Variants in RAB11B observed in about 807,000 individuals in gnomAD.
RAB11B encodes the protein ras-related protein Rab-11B.
RAB11B carries 7 observed loss-of-function variants against 23.7 expected under a neutral mutation model. That is an observed-to-expected ratio of 0.29 (90% CI 0.17 to 0.55). The LOEUF (loss-of-function observed/expected upper bound fraction) is 0.55. Ranked by LOEUF, RAB11B falls within the 20% of genes least tolerant of loss-of-function variation. The probability of loss-of-function intolerance (pLI) is 0.93; values close to 1 mark genes in which losing one functional copy is unlikely to be tolerated. For missense variants in RAB11B, 189 were observed against 320.0 expected (o/e 0.59, Z 3.12); for synonymous variants, 138 against 132.0 (o/e 1.05, Z -0.31).
At chr19:8,395,457 C>A (rs769071478) in intron 1 of RAB11B, among the ~76,000 whole-genome samples, 1 of 152,044 alleles carries the variant, frequency 6.6e-6, no homozygotes, top group Non-Finnish European at 1.5e-5. Flanking sequence ...CCATGTTAGT[C>A]AGGTTGGTCT....
chr19:8,402,289 C>T lies in RAB11B; in HGVS notation c.430+10C>T, dbSNP rs369849901. The T allele has an allele frequency of 1.3e-4, 194 of 1,549,124 alleles. No homozygotes were observed. Among genetic ancestry groups the T allele is most frequent in the African/African-American group, 8.9e-4 (65 of 73,254 alleles). On this transcript the variant is annotated intron_variant, in intron 3 of 4. Coordinates refer to ENST00000328024, the MANE Select transcript of RAB11B (RefSeq NM_004218.4). ...GCCCGCGCCTTCGCAGGTGAGCAGA[C>T]GGAGACGCAGGCATCAGAGAGGTGT... is the stretch of plus-strand genomic sequence containing the variant.
At chr19:8,391,465 A>G (rs2145505161) in intron 1 of RAB11B, among the ~76,000 whole-genome samples, 1 of 152,288 alleles carries the variant, frequency 6.6e-6, no homozygotes, top group East Asian at 1.9e-4. Context: ...AGCATCACAT[A>G]AGGCCTAGGT....
intron 1 of RAB11B, among the ~76,000 whole-genome samples, chr19:8,397,736 C>T (rs1050718378): frequency 4.6e-5 from 7 of 152,176 alleles, no homozygotes; most frequent in Admixed American, 3.9e-4. Flanking sequence ...GGCTCCAGGG[C>T]CTGCTCCCTC....
intron 1 of RAB11B, among the ~76,000 whole-genome samples, chr19:8,390,887 C>T (rs1193309836): frequency 6.8e-6 from 1 of 145,998 alleles, no homozygotes; most frequent in African/African-American, 2.5e-5. Flanking sequence ...TGGGCCTGGG[C>T]AAACGGAGGC....
chr19:8,401,728 C>T (rs1199981881), intron 2 of RAB11B, among the ~76,000 whole-genome samples: 1 of 151,664 alleles, frequency 6.6e-6, no homozygotes, highest in Non-Finnish European at 1.5e-5. Context: ...CGCCATGTTG[C>T]CCAGGCTGGT....
Position 8,402,194 on chromosome 19 carries a change from C to T in RAB11B, c.345C>T (p.Ser115=). The T allele has an allele frequency of 6.3e-7, 1 of 1,591,928 alleles. No individual in the cohort carries two copies. The highest frequency in any genetic ancestry group is 8.6e-7 in the Non-Finnish European group (1 of 1,169,326). Residue 115 remains serine (S), a synonymous_variant, in exon 3 of 5, where the codon AGC becomes AGT. Transcript: ENST00000328024. Reference sequence around the variant, plus strand: ...AGGAGCTGCGGGACCACGCAGACAGCAACATCGTCATCATGCTGGTGGGCA... The same window carrying T: ...AGGAGCTGCGGGACCACGCAGACAGTAACATCGTCATCATGCTGGTGGGCA... ...WLKELRDHAD[S]NIVIMLVGNK...
At chr19:8,400,776 G>C (rs1031956971) in intron 2 of RAB11B, among the ~76,000 whole-genome samples, 28 of 151,960 alleles carry the variant, frequency 1.8e-4, no homozygotes, top group Middle Eastern at 3.4e-3. Flanking sequence ...AGTAGAGATG[G>C]GGTTTCTCCA....
At chr19:8,400,183 G>A in intron 2 of RAB11B, 125 bp downstream of exon 2, 1 of 1,210,874 alleles carries the variant, frequency 8.3e-7, no homozygotes, top group Non-Finnish European at 1.2e-6. Flanking sequence ...AGACCAGGGA[G>A]TGAGGCTGGA....
At chr19:8,398,779 G>A (rs930495719) in intron 1 of RAB11B, among the ~76,000 whole-genome samples, 4 of 151,998 alleles carry the variant, frequency 2.6e-5, no homozygotes, top group African/African-American at 9.7e-5. Context: ...CCCTTCCTGT[G>A]CGATGCCTGC....
intron 4 of RAB11B, 160 bp downstream of exon 4, chr19:8,402,725 C>T (rs568761707): frequency 4.0e-5 from 25 of 623,866 alleles, no homozygotes; most frequent in African/African-American, 2.0e-4. Context: ...TGTGGTGGCT[C>T]GATCTCAGCT....
intron 2 of RAB11B, chr19:8,400,385 T>G: frequency 2.6e-6 from 1 of 377,574 alleles, no homozygotes; most frequent in Non-Finnish European, 5.0e-6. Context: ...TGCCCACACC[T>G]GGTCCCACAC....
At chr19:8,395,657 A>C (rs1359924644) in intron 1 of RAB11B, among the ~76,000 whole-genome samples, 2 of 152,148 alleles carry the variant, frequency 1.3e-5, no homozygotes, top group Admixed American at 6.5e-5. Flanking sequence ...CTTTCACGCC[A>C]GGCCAAGCAG....
At chr19:8,402,667 T>TTTTG in intron 4 of RAB11B, 102 bp downstream of exon 4, 1 of 986,334 alleles carries the variant, frequency 1.0e-6, no homozygotes, top group African/African-American at 1.6e-5. Context: ...GTTTTTTTCT[T>TTTTG]TTTTTTGTCG....
intron 1 of RAB11B, among the ~76,000 whole-genome samples, chr19:8,392,049 G>T (rs917637898): frequency 6.6e-6 from 1 of 151,940 alleles, no homozygotes; most frequent in Non-Finnish European, 1.5e-5. Context: ...ATTCTAAGGG[G>T]CCGTCTGGAG....
Position 8,399,856 on chromosome 19 carries a change from C to T in RAB11B, c.41-7C>T, listed in dbSNP as rs199798403. 1.4e-4 allele frequency: 233 copies of T among 1,609,576 alleles called. 2 individuals carry two copies. In the East Asian group the frequency reaches 3.5e-3, roughly 24 times the overall value. ...GGGGATTCACAGAACCTCGCCTTCC[C>T]GCCCAGTGGTGCTCATCGGGGACTC... is the stretch of plus-strand genomic sequence containing the variant. On this transcript the variant is annotated splice_region_variant and splice_polypyrimidine_tract_variant and intron_variant, in intron 1 of 4. Coordinates refer to ENST00000328024, the MANE Select transcript of RAB11B (RefSeq NM_004218.4).
At chr19:8,390,846 A>G (rs907828685) in intron 1 of RAB11B, among the ~76,000 whole-genome samples, 18 of 151,756 alleles carry the variant, frequency 1.2e-4, no homozygotes, top group African/African-American at 4.1e-4. Flanking sequence ...GGGCGGGGCT[A>G]AGGCGTGATG....
chr19:8,394,165 T>A (rs2145507453), intron 1 of RAB11B, among the ~76,000 whole-genome samples: 1 of 152,306 alleles, frequency 6.6e-6, no homozygotes, highest in African/African-American at 2.4e-5. Context: ...GTTGGGCAGC[T>A]CAGCCTCTTT....
chr19:8,399,728 G>A, intron 1 of RAB11B, 135 bp from the exon 2 acceptor site: 1 of 964,490 alleles, frequency 1.0e-6, no homozygotes, highest in Non-Finnish European at 1.6e-6. Context: ...GCAGGCCCTG[G>A]GCTCCAGGCA....
chr19:8,400,324 G>T (rs1158688903), intron 2 of RAB11B: 2 of 517,548 alleles, frequency 3.9e-6, no homozygotes, highest in South Asian at 4.7e-5. Context: ...CGCTGCCCCT[G>T]CCCAGCCAGC....
Sources: gnomAD v4.1 joint callset for allele counts (sites outside exome capture counted in the v4.1 genomes callset) on GRCh38, gnomAD v4.1.1 for gene constraint, MANE v1.5 for transcripts, NCBI Gene and HGNC (gene_info 2026-07-23, HGNC 2026-07-21) for gene names.